PRDM16: variants seen among roughly 807,000 people sequenced by gnomAD.
PRDM16 encodes histone-lysine N-methyltransferase PRDM16.
Under a neutral mutation model 110.6 loss-of-function variants are expected in PRDM16, and 23 were observed. That is an observed-to-expected ratio of 0.21 (90% CI 0.15 to 0.29). PRDM16 has a LOEUF of 0.29. Among genes scored for constraint, PRDM16 ranks in the 10% least tolerant of loss-of-function variants. The pLI is 1.00. For missense variants in PRDM16, 1,615 were observed against 1,794.3 expected, an observed-to-expected ratio of 0.90 and a Z score of 1.81; for synonymous variants, 799 against 781.8, an observed-to-expected ratio of 1.02 and a Z score of -0.37.
rs573142343 is a variant in PRDM16, at chr1:3,186,589, C to T, written c.387+115C>T. 6.8e-5 allele frequency: 44 copies of T among 646,054 alleles called. No individual in the cohort carries two copies. In the Admixed American group the frequency reaches 9.6e-4, roughly 14 times the overall value. 40.0% of individuals were successfully genotyped at this position (646,054 alleles called of 1,614,324 possible). ...AGGCGGGAGGCGCGGCCAGAGAGAG[C>T]GTTCAAATGTCACATTTCCCAGCCT... On this transcript the variant is annotated intron_variant, in intron 2 of 16. Coordinates refer to ENST00000270722, the MANE Select transcript of PRDM16 (RefSeq NM_022114.4).
intron 3 of PRDM16, among the ~76,000 whole-genome samples, chr1:3,378,924 G>A (rs1387348706): frequency 1.3e-5 from 2 of 151,954 alleles, no homozygotes; most frequent in African/African-American, 4.8e-5. Context: ...TTCCCAGATG[G>A]GTCCAGCAGG....
intron 2 of PRDM16, among the ~76,000 whole-genome samples, chr1:3,226,792 C>T (rs193134963): frequency 1.3e-3 from 204 of 152,284 alleles, no homozygotes; most frequent in African/African-American, 4.9e-3. Context: ...ACTGGGTCCC[C>T]GCACGGGGAC....
At chr1:3,185,164 G>A (rs537390456) in intron 1 of PRDM16, among the ~76,000 whole-genome samples, 8 of 152,150 alleles carry the variant, frequency 5.3e-5, no homozygotes, top group South Asian at 2.1e-4. Flanking sequence ...ACTCCTCCTC[G>A]CCCTGCCCAT....
intron 5 of PRDM16, among the ~76,000 whole-genome samples, chr1:3,398,165 A>G (rs952583505): frequency 3.3e-5 from 5 of 152,186 alleles, no homozygotes; most frequent in Admixed American, 1.3e-4. Context: ...TGACTTAAGG[A>G]GAGTGCTTGA....
chr1:3,129,516 T>A (rs925941894), intron 1 of PRDM16, among the ~76,000 whole-genome samples: 1 of 151,982 alleles, frequency 6.6e-6, no homozygotes, highest in East Asian at 1.9e-4. Context: ...ACCACAGGGG[T>A]GTCGTCCAGG....
chr1:3,371,141 T>C (rs1437022260), intron 3 of PRDM16, among the ~76,000 whole-genome samples: 1 of 147,980 alleles, frequency 6.8e-6, no homozygotes, highest in Non-Finnish European at 1.5e-5. Context: ...CATCCATTGA[T>C]TCATCCATTT....
Position 3,436,986 on chromosome 1 carries a change from C to T in PRDM16, c.*3175C>T, listed in dbSNP as rs1407238461. On this transcript the variant is annotated 3_prime_UTR_variant, in exon 17 of 17. Transcript: ENST00000270722. ...CCTCAGACCCCAGCCCCCAGCGAGC[C>T]GACGTCCCCACCCGTTCCTGCTCTC... 2 of 233,170 alleles carry T rather than the reference C, an allele frequency of 8.6e-6. No individual in the cohort carries two copies. The highest frequency in any genetic ancestry group is 6.0e-5 in the East Asian group (1 of 16,566). 14.4% of individuals were successfully genotyped at this position (233,170 alleles called of 1,614,324 possible). A position where few individuals can be genotyped will look rare whatever the true frequency, so the allele number is the denominator to read the frequency against.
intron 1 of PRDM16, among the ~76,000 whole-genome samples, chr1:3,135,129 G>A (rs966626750): frequency 2.3e-4 from 35 of 152,216 alleles, no homozygotes; most frequent in African/African-American, 7.0e-4. Context: ...GGGGGGCTGC[G>A]GAGCACCCCA....
intron 11 of PRDM16, among the ~76,000 whole-genome samples, chr1:3,418,389 A>G (rs1423397237): frequency 6.6e-6 from 1 of 152,150 alleles, no homozygotes; most frequent in African/African-American, 2.4e-5. Flanking sequence ...GGCCTGTCCA[A>G]GTCTGTTGGA....
At chr1:3,404,969 C>G (rs974175471) in intron 7 of PRDM16, 83 bp downstream of exon 7, 11 of 1,475,318 alleles carry the variant, frequency 7.5e-6, no homozygotes, top group East Asian at 2.3e-5. Context: ...CCCTACACCC[C>G]CTGGTCCAAA....
intron 1 of PRDM16, among the ~76,000 whole-genome samples, chr1:3,129,852 G>C (rs1396635390): frequency 1.4e-5 from 2 of 147,414 alleles, no homozygotes; most frequent in Admixed American, 6.6e-5. Flanking sequence ...GTCTCTCTCT[G>C]TCTGATTTTC....
At chr1:3,144,599 G>A (rs1643611339) in intron 1 of PRDM16, among the ~76,000 whole-genome samples, 1 of 152,180 alleles carries the variant, frequency 6.6e-6, no homozygotes, top group Admixed American at 6.5e-5. Context: ...CCTGCCAGTT[G>A]TAGACCCCAC....
Position 3,434,072 on chromosome 1 carries a change from A to G in PRDM16, c.*261A>G. The G allele has an allele frequency of 2.3e-6, 1 of 441,268 alleles. No homozygotes were observed. The highest frequency in any genetic ancestry group is 4.0e-6 in the Non-Finnish European group (1 of 246,988). 27.3% of individuals were successfully genotyped at this position (441,268 alleles called of 1,614,324 possible). A position where few individuals can be genotyped will look rare whatever the true frequency, so the allele number is the denominator to read the frequency against. ...GCCATGCAGGTGGCCGTCCAAAGAC[A>G]GCCAACGGAGCTGCCTCGCAGAATC... is the stretch of plus-strand genomic sequence containing the variant. On this transcript the variant is annotated 3_prime_UTR_variant, in exon 17 of 17. Transcript: ENST00000270722.
chr1:3,073,466 C>T (rs527381423), intron 1 of PRDM16, among the ~76,000 whole-genome samples: 1 of 152,314 alleles, frequency 6.6e-6, no homozygotes, highest in East Asian at 1.9e-4. Context: ...TGAATCAAAC[C>T]CGTGTAACGA....
At chr1:3,257,412 T>C (rs1640075639) in intron 3 of PRDM16, among the ~76,000 whole-genome samples, 1 of 152,076 alleles carries the variant, frequency 6.6e-6, no homozygotes, top group African/African-American at 2.4e-5. Context: ...AGTTCTCTGC[T>C]CTCCAACACT....
intron 14 of PRDM16, among the ~76,000 whole-genome samples, chr1:3,430,601 T>C (rs1569786201): frequency 6.6e-6 from 1 of 152,134 alleles, no homozygotes; most frequent in Non-Finnish European, 1.5e-5. Context: ...CCTGGTGTCC[T>C]CCCGGCCATA....
At chr1:3,070,622 G>A (rs1321007904) in intron 1 of PRDM16, among the ~76,000 whole-genome samples, 5 of 130,332 alleles carry the variant, frequency 3.8e-5, no homozygotes, top group African/African-American at 1.1e-4. Context: ...CCGCGCCTCC[G>A]GGGCCGGGTC....
intron 1 of PRDM16, among the ~76,000 whole-genome samples, chr1:3,075,078 C>A (rs769637467): frequency 2.6e-5 from 4 of 152,248 alleles, no homozygotes; most frequent in African/African-American, 9.6e-5. Flanking sequence ...AAATCCTCCA[C>A]GGTCTGGAGG....
At chr1:3,329,801 C>G (rs979418291) in intron 3 of PRDM16, among the ~76,000 whole-genome samples, 16 of 152,366 alleles carry the variant, frequency 1.1e-4, no homozygotes, top group Admixed American at 6.5e-4. Context: ...GAGAGGCCCC[C>G]ACTGCCACCC....
Sources: allele counts gnomAD v4.1 joint callset (sites outside exome capture counted in the v4.1 genomes callset), GRCh38; gene constraint gnomAD v4.1.1; transcripts MANE v1.5; gene names NCBI Gene and HGNC (gene_info 2026-07-23, HGNC 2026-07-21).